The following SLC33A2 variants were observed in gnomAD, a reference collection of about 807,000 sequenced individuals.
SLC33A2 encodes solute carrier family 33 member 2.
the SLC33A2 span, chr8:144,510,314 G>C: frequency 6.2e-7 from 1 of 1,605,006 alleles, no homozygotes; most frequent in Non-Finnish European, 8.5e-7. Context: ...GGGAGGTGGG[G>C]GCAGATATGG....
chr8:144,510,068 C>T, the SLC33A2 span: 1 of 1,548,566 alleles, frequency 6.5e-7, no homozygotes, highest in Admixed American at 1.8e-5. Context: ...GGGACAGCTC[C>T]AGGTGTGTCC....
At chr8:144,510,714 T>A in the SLC33A2 span, 87 of 1,584,508 alleles carry the variant, frequency 5.5e-5, no homozygotes, top group Middle Eastern at 5.1e-4. Context: ...GCTGGCACAA[T>A]CTTGAGAGGT....
chr8:144,511,086 TC>T, the SLC33A2 span: 1 of 1,609,324 alleles, frequency 6.2e-7, no homozygotes, highest in Non-Finnish European at 8.5e-7. Flanking sequence ...TGGGGCCACA[TC>T]CCTGCTTCTT....
the SLC33A2 span, chr8:144,510,180 G>C: frequency 3.1e-6 from 4 of 1,271,334 alleles, no homozygotes; most frequent in Non-Finnish European, 4.3e-6. Flanking sequence ...CTTGTGTCTT[G>C]TCCGCCCCCA....
chr8:144,510,296 G>A, the SLC33A2 span: 2 of 1,594,954 alleles, frequency 1.3e-6, no homozygotes, highest in South Asian at 1.1e-5. Flanking sequence ...GGGCCCAGGT[G>A]GGGAGAAGGG....
At chr8:144,509,527 C>T in the SLC33A2 span, 30 of 1,526,312 alleles carry the variant, frequency 2.0e-5, no homozygotes, top group Non-Finnish European at 2.4e-5. Context: ...GCGCAGGGCT[C>T]GGCGAGGGCC....
chr8:144,510,966 T>C, the SLC33A2 span: 1 of 1,599,320 alleles, frequency 6.3e-7, no homozygotes, highest in Non-Finnish European at 8.5e-7. Flanking sequence ...GGCCTGACCT[T>C]GACCGTGACC....
chr8:144,510,230 A>C, the SLC33A2 span: 14 of 1,441,384 alleles, frequency 9.7e-6, no homozygotes, highest in South Asian at 1.2e-4. Flanking sequence ...GGGCTGCCCC[A>C]CTTCTCCCCC....
chr8:144,510,608 C>T, the SLC33A2 span: 4 of 1,582,366 alleles, frequency 2.5e-6, no homozygotes, highest in Admixed American at 5.2e-5. Context: ...GAAACTGCTG[C>T]CTCTGTTGAG....
At chr8:144,509,907 C>G in the SLC33A2 span, 17 of 1,556,754 alleles carry the variant, frequency 1.1e-5, no homozygotes, top group South Asian at 2.0e-4. Flanking sequence ...GCGGCTCCCA[C>G]AGCAGCCCCC....
the SLC33A2 span, chr8:144,510,408 G>A: frequency 2.5e-6 from 4 of 1,612,822 alleles, no homozygotes; most frequent in Non-Finnish European, 3.4e-6. Flanking sequence ...CTGGACCACG[G>A]CGTTTCTGCT....
the SLC33A2 span, chr8:144,510,907 A>C: frequency 1.2e-6 from 2 of 1,603,906 alleles, no homozygotes; most frequent in Non-Finnish European, 1.7e-6. Flanking sequence ...CCTGCAGGTG[A>C]GTAGATGTAG....
At chr8:144,510,020 G>A in the SLC33A2 span, 4 of 1,591,210 alleles carry the variant, frequency 2.5e-6, no homozygotes, top group South Asian at 4.5e-5. Flanking sequence ...AGCTGGGTGA[G>A]TGAGGCCTCG....
chr8:144,510,242 G>C, the SLC33A2 span: 1 of 1,485,210 alleles, frequency 6.7e-7, no homozygotes, highest in Non-Finnish European at 9.1e-7. Flanking sequence ...TTCTCCCCCA[G>C]TATCTGCAGC....
chr8:144,510,028 T>G, the SLC33A2 span: 1 of 1,588,332 alleles, frequency 6.3e-7, no homozygotes, highest in Admixed American at 1.7e-5. Context: ...GAGTGAGGCC[T>G]CGAGCCAGGC....
At chr8:144,510,663 C>T in the SLC33A2 span, 1 of 1,559,882 alleles carries the variant, frequency 6.4e-7, no homozygotes, top group Non-Finnish European at 8.7e-7. Flanking sequence ...TGTCAGACTG[C>T]CTTGGTCTTC....
At chr8:144,510,055 T>C in the SLC33A2 span, 1 of 1,567,554 alleles carries the variant, frequency 6.4e-7, no homozygotes, top group South Asian at 1.1e-5. Context: ...AGTTGGGGCT[T>C]CCGGGACAGC....
At chr8:144,510,551 G>A in the SLC33A2 span, 7 of 1,611,102 alleles carry the variant, frequency 4.3e-6, no homozygotes, top group Non-Finnish European at 5.9e-6. Flanking sequence ...TTGTACCTGA[G>A]CTGCCCCCAA....
chr8:144,511,101 C>G, the SLC33A2 span: 2 of 1,610,082 alleles, frequency 1.2e-6, no homozygotes, highest in Non-Finnish European at 1.7e-6. Context: ...GCTTCTTGCT[C>G]CTGCTCATCC....
Sources: gnomAD v4.1 joint callset for allele counts on GRCh38, gnomAD v4.1.1 for gene constraint, MANE v1.5 for transcripts, NCBI Gene and HGNC (gene_info 2026-07-23, HGNC 2026-07-21) for gene names.